Variants in HTT observed in about 807,000 individuals in gnomAD.
HTT encodes huntington disease protein.
Under a neutral mutation model 362.3 loss-of-function variants are expected in HTT, and 104 were observed. That is an observed-to-expected ratio of 0.29 (90% CI 0.24 to 0.34). The LOEUF is 0.34. Among genes scored for constraint, HTT ranks in the 10% least tolerant of loss-of-function variants. The probability of loss-of-function intolerance (pLI) is 1.00; values close to 1 mark genes in which losing one functional copy is unlikely to be tolerated. For synonymous variants in HTT, 1,577 were observed against 1,548.7 expected (o/e 1.02, Z -0.43); for missense variants, 3,301 against 3,928.6 (o/e 0.84, Z 4.27).
At position 3,155,891 on chromosome 4, in the gene HTT, C is replaced by G. The variant is rs532594328; in HGVS notation, c.3626-1181C>G. 4.0e-5 allele frequency among the ~76,000 whole-genome samples: 6 copies of G among 149,604 alleles called. No homozygotes were observed. The East Asian group carries it at 1.0e-3, about 25-fold the overall frequency. On this transcript the variant is annotated intron_variant, in intron 27 of 66. Transcript: ENST00000355072. ...CTAGCCTGGGCGATAGAGCGAGACT[C>G]CGTCTCAAAAAAAAAAAAAAAAGAA...
Position 3,228,910 on chromosome 4 carries a change from C to G in HTT, c.8010C>G (p.Ser2670=), listed in dbSNP as rs749063835. 6.2e-7 allele frequency: 1 copy of G among 1,613,882 alleles called. No homozygotes were observed. Among genetic ancestry groups the G allele is most frequent in the Non-Finnish European group, 8.5e-7 (1 of 1,179,842 alleles). Reference sequence around the variant, plus strand: ...ACCGGGCTGGAGTTGACATCCACTCCTGTTCGCAGTTTTTGCTTGAGTTGT... The same window carrying G: ...ACCGGGCTGGAGTTGACATCCACTCGTGTTCGCAGTTTTTGCTTGAGTTGT... ...RKHRAGVDIH[S]CSQFLLELYS... is the part of the protein sequence containing the mutation. The change falls in exon 59 of 67, where the codon TCC becomes TCG. Residue 2670 remains serine, a synonymous_variant. Transcript: ENST00000355072. The surrounding 1 kb of genome is among the most constrained non-coding windows in gnomAD (Gnocchi z 4.3).
At chr4:3,217,630 C>A in intron 51 of HTT, 135 bp from the exon 52 acceptor site, 1 of 685,202 alleles carries the variant, frequency 1.5e-6, no homozygotes, top group Non-Finnish European at 2.5e-6. Context: ...AATCTGCAGG[C>A]CTTCAGTGGC....
chr4:3,125,612 G>A lies in HTT; in HGVS notation c.1385G>A (p.Ser462Asn). 1 of 1,613,134 alleles carries A rather than the reference G, an allele frequency of 6.2e-7. No individual in the cohort carries two copies. The highest frequency in any genetic ancestry group is 8.5e-7 in the Non-Finnish European group (1 of 1,179,058). ...GACTCTGAATCGAGATCGGATGTCA[G>A]CAGCTCTGCCTTAACAGGTAGTTCT... ...EDDSESRSDV[S>N]SSALTASVKD... Residue 462 changes from serine (S) to asparagine (N), a missense_variant, in exon 11 of 67, where the codon AGC (serine) becomes AAC (asparagine). Coordinates refer to ENST00000355072, the MANE Select transcript of HTT (RefSeq NM_001388492.1).
At chr4:3,143,448 A>C (rs1387193187) in intron 23 of HTT, among the ~76,000 whole-genome samples, 1 of 150,964 alleles carries the variant, frequency 6.6e-6, no homozygotes, top group African/African-American at 2.4e-5. Context: ...AAAAAAAAAA[A>C]AAAAAAAGAA....
rs1367841957 is a variant in HTT at position 3,228,358 on chromosome 4, C to G, written c.7849-257C>G. On this transcript the variant is annotated intron_variant, in intron 57 of 66. Coordinates refer to ENST00000355072, the MANE Select transcript of HTT (RefSeq NM_001388492.1). The surrounding 1 kb of genome is among the most constrained non-coding windows in gnomAD (Gnocchi z 4.3). ...TCGTAGAGCCTCTTTCTGTGTCACC[C>G]TCCTCAGCTGCTCCTGGGGTTGACT... Among the ~76,000 whole-genome samples the G allele has an allele frequency of 2.6e-5, 4 of 152,212 alleles. No individual in the cohort carries two copies. Among genetic ancestry groups the G allele is most frequent in the Non-Finnish European group, 5.9e-5 (4 of 68,022 alleles).
chr4:3,097,374 G>A (rs1282823562), intron 2 of HTT, among the ~76,000 whole-genome samples: 1 of 152,210 alleles, frequency 6.6e-6, no homozygotes, highest in African/African-American at 2.4e-5. Context: ...GTTCACGCCT[G>A]TAATCCCAGC....
intron 59 of HTT, among the ~76,000 whole-genome samples, chr4:3,229,602 ACACACACACCACTTGCACACCACG>A (rs900900792): frequency 1.3e-5 from 2 of 150,600 alleles, no homozygotes; most frequent in African/African-American, 4.9e-5. Flanking sequence ...ACCCCACACC[ACACACACACCACTTGCACACCACG>A]CACACACACC....
rs902991874 is a variant in HTT, at chr4:3,228,791, T to A, written c.7979+46T>A. ...TTTTTAACAGAAATTTGAAATTTCT[T>A]ATCAGTCATTTGATTTGTTTGAGGT... On this transcript the variant is annotated intron_variant, in intron 58 of 66. Transcript: ENST00000355072. The surrounding 1 kb of genome is among the most constrained non-coding windows in gnomAD (Gnocchi z 4.3). 65 of 1,567,148 alleles carry A rather than the reference T, an allele frequency of 4.1e-5. No homozygotes were observed. The highest frequency in any genetic ancestry group is 5.0e-5 in the Non-Finnish European group (58 of 1,152,844).
chr4:3,180,395 A>G, intron 35 of HTT, 120 bp from the exon 36 acceptor site: 1 of 835,012 alleles, frequency 1.2e-6, no homozygotes, highest in Non-Finnish European at 1.8e-6. Flanking sequence ...CTCTTACCAT[A>G]AACCAAGTAT....
At chr4:3,222,895 C>A (rs550733745) in intron 54 of HTT, among the ~76,000 whole-genome samples, 1 of 152,242 alleles carries the variant, frequency 6.6e-6, no homozygotes, top group African/African-American at 2.4e-5. Flanking sequence ...GAAGTGTTCA[C>A]GTACATTACG....
At chr4:3,075,647 C>CGGGGGGGGGGGGGGG (rs1560535774) in intron 1 of HTT, among the ~76,000 whole-genome samples, 3 of 61,662 alleles carry the variant, frequency 4.9e-5, no homozygotes, top group Non-Finnish European at 8.8e-5. Context: ...AGTGGCGGGG[C>CGGGGGGGGGGGGGGG]AGGGGGGGGG....
rs889250668 is a variant in HTT, at chr4:3,093,929, T to A, written c.348-5345T>A. ...GGTTTTTTTTTTTTTTTTTTTTTTTTAGTATTTATTGATCATTCTTGGGTG... is the reference window on the plus strand; with the variant it reads ...GGTTTTTTTTTTTTTTTTTTTTTTTAAGTATTTATTGATCATTCTTGGGTG... On this transcript the variant is annotated intron_variant, in intron 2 of 66. Coordinates refer to ENST00000355072, the MANE Select transcript of HTT (RefSeq NM_001388492.1). Among the ~76,000 whole-genome samples the A allele has an allele frequency of 4.1e-4, 53 of 128,280 alleles. 1 individual carries two copies. Among genetic ancestry groups the A allele is most frequent in the African/African-American group, 1.6e-3 (53 of 33,842 alleles). 84.2% of individuals were successfully genotyped at this position (128,280 alleles called of 152,430 possible).
intron 6 of HTT, among the ~76,000 whole-genome samples, chr4:3,115,055 C>T (rs949057467): frequency 3.3e-5 from 5 of 152,008 alleles, no homozygotes; most frequent in Non-Finnish European, 7.4e-5. Flanking sequence ...TCCACCATTG[C>T]GGAGAGGACA....
Position 3,177,338 on chromosome 4 carries a change from A to G in HTT, c.4414A>G (p.Ile1472Val). 3 of 1,599,752 alleles carry G rather than the reference A, an allele frequency of 1.9e-6. No individual in the cohort carries two copies. Among genetic ancestry groups the G allele is most frequent in the Non-Finnish European group, 2.6e-6 (3 of 1,172,914 alleles). Residue 1472 changes from isoleucine (I) to valine (V), a missense_variant, in exon 34 of 67, where the codon ATT becomes GTT. Around this residue, in one of 4 missense-constraint regions of HTT, gnomAD observed 2,316 missense variants for 2,658.5 expected, o/e 0.87. Transcript: ENST00000355072. ...YCLLDSDQVF[I>V]GFVLKQFEYI... ...TTTATTTTCCTTCCTGTAGGTGTTT[A>G]TTGGCTTTGTATTGAAACAGTTTGA...
At chr4:3,097,988 CATT>C (rs1713948432) in intron 2 of HTT, among the ~76,000 whole-genome samples, 1 of 152,180 alleles carries the variant, frequency 6.6e-6, no homozygotes, top group African/African-American at 2.4e-5. Context: ...TATTTCTTCA[CATT>C]AATTACATGT....
intron 49 of HTT, chr4:3,213,041 A>G (rs1720236869): frequency 3.6e-6 from 1 of 275,916 alleles, no homozygotes; most frequent in Non-Finnish European, 7.0e-6. Flanking sequence ...TCAGCCAAGG[A>G]ATACTTACTT....
At chr4:3,237,592 A>T (rs1721600179) in intron 64 of HTT, among the ~76,000 whole-genome samples, 2 of 151,938 alleles carry the variant, frequency 1.3e-5, no homozygotes. Context: ...ACAGGGAGGC[A>T]CCTCGCAGCT....
rs377744144 is a variant in HTT at position 3,130,275 on chromosome 4, C to T, written c.1868-30C>T. 92 of 1,320,980 alleles carry T rather than the reference C, an allele frequency of 7.0e-5. No individual in the cohort carries two copies. The African/African-American group carries it at 1.3e-3, about 18-fold the overall frequency. 81.8% of individuals were successfully genotyped at this position (1,320,980 alleles called of 1,614,324 possible). A position where few individuals can be genotyped will look rare whatever the true frequency, so the allele number is the denominator to read the frequency against. The stretch of plus-strand genomic sequence containing the variant: ...AATTGTATTTTAAGTGGAAATTTGT[C>T]ACTTAATCTTGATTTCTCTGTTTTT... On this transcript the variant is annotated intron_variant, in intron 13 of 66. Coordinates refer to ENST00000355072, the MANE Select transcript of HTT (RefSeq NM_001388492.1).
rs1229567948 is a variant in HTT at position 3,241,333 on chromosome 4, C to G, written c.*1274C>G. ...GATCTGTGCTCATCGGAGACTGCCCCACGGCCCTGTCAGAGCCGCCACTCC... is the reference window on the plus strand; with the variant it reads ...GATCTGTGCTCATCGGAGACTGCCCGACGGCCCTGTCAGAGCCGCCACTCC... On this transcript the variant is annotated 3_prime_UTR_variant, in exon 67 of 67. Coordinates refer to ENST00000355072, the MANE Select transcript of HTT (RefSeq NM_001388492.1). 1 of 152,388 alleles carries G rather than the reference C, an allele frequency of 6.6e-6. No homozygotes were observed. Among genetic ancestry groups the G allele is most frequent in the Non-Finnish European group, 1.5e-5 (1 of 68,112 alleles). The allele number at this position is 152,388 out of a possible 1,614,324, so 9.4% of individuals were successfully genotyped here. A position where few individuals can be genotyped will look rare whatever the true frequency, so the allele number is the denominator to read the frequency against.
Sources: allele counts gnomAD v4.1 joint callset (sites outside exome capture counted in the v4.1 genomes callset), GRCh38; gene constraint gnomAD v4.1.1; regional missense constraint gnomAD v4.1.1; non-coding constraint Gnocchi (gnomAD v3.1); transcripts MANE v1.5; gene names NCBI Gene and HGNC (gene_info 2026-07-23, HGNC 2026-07-21).